The following DLG2 variants were observed in gnomAD, a reference collection of about 807,000 sequenced individuals.
DLG2 encodes the protein disks large homolog 2.
A neutral mutation model predicts 132.5 loss-of-function variants in DLG2; 45 were observed. The ratio of observed to expected loss-of-function variants is 0.34; its 90% CI spans 0.27 to 0.44. The LOEUF (loss-of-function observed/expected upper bound fraction) is 0.44, where lower values mean the gene tolerates loss of function less well. Among genes scored for constraint, DLG2 ranks in the 20% least tolerant of loss-of-function variants. DLG2 has a pLI of 1.00. For missense variants in DLG2, 1,045 were observed against 1,196.9 expected (o/e 0.87, Z 1.87); for synonymous variants, 424 against 419.6 (o/e 1.01, Z -0.13).
At chr11:84,232,276 T>C (rs1392561567) in intron 8 of DLG2, among the ~76,000 whole-genome samples, 2 of 152,124 alleles carry the variant, frequency 1.3e-5, no homozygotes, top group Non-Finnish European at 2.9e-5. Flanking sequence ...TATAGCTTCC[T>C]TTTTGTTTGT....
chr11:84,734,849 G>T (rs1316768230), intron 6 of DLG2, among the ~76,000 whole-genome samples: 3 of 152,104 alleles, frequency 2.0e-5, no homozygotes, highest in Middle Eastern at 3.2e-3. Flanking sequence ...TAGCATGAAG[G>T]GCTGTTGAAT....
chr11:84,756,746 T>C (rs903405258), intron 6 of DLG2, among the ~76,000 whole-genome samples: 3 of 152,190 alleles, frequency 2.0e-5, no homozygotes, highest in Non-Finnish European at 2.9e-5. Context: ...TGAGATTTTT[T>C]TGTGATTTTT....
chr11:84,224,344 C>A (rs2096960154), intron 8 of DLG2, among the ~76,000 whole-genome samples: 1 of 152,194 alleles, frequency 6.6e-6, no homozygotes, highest in African/African-American at 2.4e-5. Flanking sequence ...GCCTGACAAA[C>A]CTCCTAAGGT....
intron 4 of DLG2, among the ~76,000 whole-genome samples, chr11:85,247,084 T>C (rs2076172012): frequency 6.6e-6 from 1 of 152,104 alleles, no homozygotes; most frequent in Non-Finnish European, 1.5e-5. Context: ...TGTTTTCTTC[T>C]ATCTCCATTT....
chr11:85,034,019 TTCTC>T (rs2061239426), intron 6 of DLG2, among the ~76,000 whole-genome samples: 1 of 152,146 alleles, frequency 6.6e-6, no homozygotes, highest in African/African-American at 2.4e-5. Context: ...TCACTGTTCT[TTCTC>T]CAGGAAAATG....
At chr11:85,479,935 C>T (rs763807441) in intron 3 of DLG2, among the ~76,000 whole-genome samples, 6 of 152,058 alleles carry the variant, frequency 3.9e-5, no homozygotes, top group African/African-American at 7.2e-5. Flanking sequence ...GGATTGTGGC[C>T]CACCCTAAAG....
At chr11:83,551,550 T>C (rs1032311046) in intron 19 of DLG2, among the ~76,000 whole-genome samples, 2 of 152,198 alleles carry the variant, frequency 1.3e-5, no homozygotes, top group African/African-American at 4.8e-5. Context: ...TATCAGACAG[T>C]TGGGCAATCA....
chr11:85,424,001 C>A (rs1289518868), intron 3 of DLG2, among the ~76,000 whole-genome samples: 4 of 152,190 alleles, frequency 2.6e-5, no homozygotes, highest in Non-Finnish European at 5.9e-5. Context: ...TCCCCCATGG[C>A]CATTTCCCCA....
chr11:84,768,572 A>G (rs760645580), intron 6 of DLG2, among the ~76,000 whole-genome samples: 2 of 152,186 alleles, frequency 1.3e-5, no homozygotes, highest in Non-Finnish European at 2.9e-5. Flanking sequence ...TGTGACTGAA[A>G]TATATTCATT....
chr11:83,980,243 A>C (rs1253289329), intron 12 of DLG2, among the ~76,000 whole-genome samples: 2 of 152,176 alleles, frequency 1.3e-5, no homozygotes, highest in Non-Finnish European at 1.5e-5. Flanking sequence ...CTCTCTCTGC[A>C]TAAACACCCA....
intron 3 of DLG2, among the ~76,000 whole-genome samples, chr11:85,334,233 T>C (rs2081973182): frequency 6.6e-6 from 1 of 152,142 alleles, no homozygotes; most frequent in Non-Finnish European, 1.5e-5. Flanking sequence ...GTATTCATAA[T>C]AGTTTCTGAG....
intron 7 of DLG2, among the ~76,000 whole-genome samples, chr11:84,506,017 T>G (rs540159432): frequency 6.6e-6 from 1 of 151,718 alleles, no homozygotes; most frequent in African/African-American, 2.4e-5. Flanking sequence ...TTAAGGACCT[T>G]GAGATGGCGA....
chr11:84,499,275 T>A (rs1300114090), intron 7 of DLG2, among the ~76,000 whole-genome samples: 1 of 152,214 alleles, frequency 6.6e-6, no homozygotes. Flanking sequence ...AAGGATTAGA[T>A]GAGATATTAA....
intron 7 of DLG2, among the ~76,000 whole-genome samples, chr11:84,471,454 C>T (rs1380988138): frequency 6.6e-6 from 1 of 151,766 alleles, no homozygotes; most frequent in Non-Finnish European, 1.5e-5. Flanking sequence ...TAGCCATTGG[C>T]TCCTGGGTTC....
intron 7 of DLG2, among the ~76,000 whole-genome samples, chr11:84,513,992 G>GA (rs1021524309): frequency 6.6e-5 from 10 of 151,636 alleles, no homozygotes; most frequent in Non-Finnish European, 8.8e-5. Context: ...CAACTCTATA[G>GA]AAAAAAAATC....
chr11:85,380,695 G>A (rs1054279424), intron 3 of DLG2, among the ~76,000 whole-genome samples: 1 of 152,164 alleles, frequency 6.6e-6, no homozygotes, highest in Non-Finnish European at 1.5e-5. Flanking sequence ...ACATGGAGGA[G>A]TGACAGAGAA....
rs80201080 is a variant in DLG2 at position 84,481,653 on chromosome 11, C to T, written c.519+52917G>A. On this transcript the variant is annotated intron_variant, in intron 7 of 27. Coordinates refer to ENST00000376104, the MANE Select transcript of DLG2 (RefSeq NM_001142699.3). ...ATTTTTCTCCAAACTATCCCTAAAC[C>T]TCAGTCCACCCTTCCAACTCTGGCT... Among the ~76,000 whole-genome samples the T allele has an allele frequency of 3.6e-3, 543 of 152,264 alleles. 19 individuals are homozygous for T. The East Asian group carries it at 0.083, about 23-fold the overall frequency.
chr11:84,246,121 G>T (rs1020473704), intron 8 of DLG2, among the ~76,000 whole-genome samples: 6 of 152,178 alleles, frequency 3.9e-5, no homozygotes, highest in African/African-American at 1.4e-4. Context: ...TGGTACAATG[G>T]CACCCCACTC....
intron 10 of DLG2, among the ~76,000 whole-genome samples, chr11:84,063,790 A>T (rs2096628373): frequency 6.6e-6 from 1 of 152,244 alleles, no homozygotes; most frequent in Non-Finnish European, 1.5e-5. Context: ...GCCATAAAAA[A>T]TGATGAGCTC....
Sources: gnomAD v4.1 joint callset for allele counts (sites outside exome capture counted in the v4.1 genomes callset) on GRCh38, gnomAD v4.1.1 for gene constraint, MANE v1.5 for transcripts, NCBI Gene and HGNC (gene_info 2026-07-23, HGNC 2026-07-21) for gene names.